The following LRRC7 variants were observed in gnomAD, a reference collection of about 807,000 sequenced individuals.
The protein encoded by LRRC7 is leucine-rich repeat-containing protein 7.
In LRRC7, 23 loss-of-function variants were observed where a neutral mutation model predicts 175.7. The observed-to-expected ratio is 0.13, with a 90% confidence interval of 0.09 to 0.19. LRRC7 has a LOEUF of 0.19. LRRC7 is among the 10% of genes least tolerant of loss of function. The pLI is 1.00. For synonymous variants in LRRC7, 685 were observed against 680.9 expected, an observed-to-expected ratio of 1.01 and a Z score of -0.09; for missense variants, 1,354 against 1,904.7, an observed-to-expected ratio of 0.71 and a Z score of 5.38.
At chr1:69,814,087 A>C (rs907094083) in intron 4 of LRRC7, among the ~76,000 whole-genome samples, 1 of 152,092 alleles carries the variant, frequency 6.6e-6, no homozygotes, top group African/African-American at 2.4e-5. Context: ...TGAGGACCAG[A>C]CAGAAGATTA....
intron 11 of LRRC7, among the ~76,000 whole-genome samples, chr1:70,008,842 C>T (rs1656224423): frequency 6.6e-6 from 1 of 152,118 alleles, no homozygotes; most frequent in African/African-American, 2.4e-5. Flanking sequence ...AGGGCAATGA[C>T]CAATCATTGA....
At chr1:70,109,837 C>G (rs117528184) in intron 26 of LRRC7, among the ~76,000 whole-genome samples, 206 of 152,192 alleles carry the variant, frequency 1.4e-3, no homozygotes, top group African/African-American at 4.2e-3. Context: ...TTTTTCTCCA[C>G]TGAATTTCAA....
intron 11 of LRRC7, among the ~76,000 whole-genome samples, chr1:70,006,423 G>T (rs1243457556): frequency 1.3e-5 from 2 of 148,470 alleles, no homozygotes. Context: ...AGTGAGCCAA[G>T]ATCGCAACAC....
In LRRC7 at chr1:70,133,734, T is replaced by C. The variant is rs1006024035; in HGVS notation, c.*11847T>C. Among the ~76,000 whole-genome samples, 7 of 152,202 alleles carry C rather than the reference T, an allele frequency of 4.6e-5. No homozygotes were observed. The highest frequency in any genetic ancestry group is 1.7e-4 in the African/African-American group (7 of 41,448). ...ACTTTCTCAGTGAGGCTTGATTGTT[T>C]AAAGTTTTGATGTTCCTTAATTGTT... On this transcript the variant is annotated 3_prime_UTR_variant, in exon 27 of 27. Coordinates refer to ENST00000651989, the MANE Select transcript of LRRC7 (RefSeq NM_001370785.2).
At chr1:69,755,019 G>A (rs956734073) in intron 2 of LRRC7, among the ~76,000 whole-genome samples, 2 of 151,830 alleles carry the variant, frequency 1.3e-5, no homozygotes, top group Non-Finnish European at 2.9e-5. Flanking sequence ...GTGACACCTC[G>A]AAAAACTGAA....
At chr1:69,588,504 T>C (rs1039476082) in intron 1 of LRRC7, among the ~76,000 whole-genome samples, 5 of 152,116 alleles carry the variant, frequency 3.3e-5, no homozygotes, top group African/African-American at 1.2e-4. Flanking sequence ...AATAGATAAA[T>C]ATAAAATAAA....
chr1:69,624,885 A>G (rs965189203), intron 1 of LRRC7, among the ~76,000 whole-genome samples: 6 of 152,108 alleles, frequency 3.9e-5, no homozygotes, highest in African/African-American at 1.4e-4. Flanking sequence ...ATTACCATAT[A>G]TCTTTATTAC....
Position 70,002,438 on chromosome 1 carries a change from T to C in LRRC7, c.1004+7805T>C, listed in dbSNP as rs576310789. Among the ~76,000 whole-genome samples, 63 of 152,340 alleles carry C rather than the reference T, an allele frequency of 4.1e-4. 1 individual carries two copies. Among genetic ancestry groups the C allele is most frequent in the Non-Finnish European group, 1.6e-4 (11 of 68,030 alleles). Reference sequence around the variant, plus strand: ...ACAAGTTAAAGAAACACTGCTAACTTATCATTTCTTTTTCCAGATGTAATA... The same window carrying C: ...ACAAGTTAAAGAAACACTGCTAACTCATCATTTCTTTTTCCAGATGTAATA... On this transcript the variant is annotated intron_variant, in intron 11 of 26. Transcript: ENST00000651989.
chr1:70,137,055 G>A lies in LRRC7; in HGVS notation c.*15168G>A, dbSNP rs1284158957. Among the ~76,000 whole-genome samples the A allele has an allele frequency of 1.3e-5, 2 of 152,042 alleles. No homozygotes were observed. The highest frequency in any genetic ancestry group is 2.4e-5 in the African/African-American group (1 of 41,402). ...GCTTTTATAATATGACCCAAGGAAC[G>A]TTTTCTGTTATCTCAGGAAGGAAAG... On this transcript the variant is annotated 3_prime_UTR_variant, in exon 27 of 27. Transcript: ENST00000651989.
intron 7 of LRRC7, chr1:69,873,369 A>T (rs1685744562): frequency 1.4e-5 from 7 of 510,702 alleles, no homozygotes; most frequent in Non-Finnish European, 2.8e-5. Flanking sequence ...TAAACTTTCT[A>T]CCTCCCTGTA....
intron 7 of LRRC7, among the ~76,000 whole-genome samples, chr1:69,907,190 A>G (rs1274362259): frequency 2.0e-5 from 3 of 152,160 alleles, no homozygotes; most frequent in Non-Finnish European, 2.9e-5. Flanking sequence ...TAAATATACA[A>G]TCATGTCATC....
intron 7 of LRRC7, among the ~76,000 whole-genome samples, chr1:69,894,383 C>T (rs903368244): frequency 1.3e-5 from 2 of 152,102 alleles, no homozygotes; most frequent in African/African-American, 4.8e-5. Flanking sequence ...ATAGAGACCA[C>T]CCAAAATGAA....
intron 8 of LRRC7, among the ~76,000 whole-genome samples, chr1:69,979,593 A>G (rs1321093721): frequency 6.6e-6 from 1 of 152,170 alleles, no homozygotes; most frequent in Non-Finnish European, 1.5e-5. Flanking sequence ...GATCTAGATC[A>G]TCAGCTATTT....
intron 7 of LRRC7, chr1:69,873,647 TTGGTGCGCTACC>T: frequency 2.6e-6 from 1 of 385,222 alleles, no homozygotes; most frequent in South Asian, 2.1e-5. Context: ...CCAAACATTT[TTGGTGCGCTACC>T]TGCTGATGGG....
In LRRC7 at chr1:69,884,247, G is replaced by C. The variant is rs569262237; in HGVS notation, c.647+45964G>C. Reference sequence around the variant, plus strand: ...CGATATTGATTCTTCCTACCCATGAGCATGGAATGTTCTTCCATTTGTTTG... The same window carrying C: ...CGATATTGATTCTTCCTACCCATGACCATGGAATGTTCTTCCATTTGTTTG... On this transcript the variant is annotated intron_variant, in intron 7 of 26. Transcript: ENST00000651989. 2.2e-3 allele frequency among the ~76,000 whole-genome samples: 199 copies of C among 89,366 alleles called. 43 individuals carry two copies. The highest frequency in any genetic ancestry group is 9.7e-3 in the South Asian group (28 of 2,880). 58.6% of individuals were successfully genotyped at this position (89,366 alleles called of 152,430 possible). A position where few individuals can be genotyped will look rare whatever the true frequency, so the allele number is the denominator to read the frequency against.
At chr1:69,586,545 C>T (rs1346201280) in intron 1 of LRRC7, among the ~76,000 whole-genome samples, 2 of 152,022 alleles carry the variant, frequency 1.3e-5, no homozygotes, top group Admixed American at 6.6e-5. Context: ...CAGCTGAGGG[C>T]CTCTCTGTTT....
At chr1:69,781,713 AAGAAAGAAAGAAAGAAAGAAAG>A (rs1273885756) in intron 3 of LRRC7, among the ~76,000 whole-genome samples, 1 of 31,054 alleles carries the variant, frequency 3.2e-5, no homozygotes, top group Non-Finnish European at 5.6e-5. Flanking sequence ...GAAAGAAAGA[AAGAAAGAAAGAAAGAAAGAAAG>A]AGAGAGAGAG....
chr1:69,684,770 C>T (rs751550838), intron 2 of LRRC7, among the ~76,000 whole-genome samples: 3 of 152,174 alleles, frequency 2.0e-5, no homozygotes, highest in Admixed American at 6.5e-5. Context: ...AAAGCCTACT[C>T]GCTCAGTCCA....
At chr1:69,972,818 C>T (rs369203841) in intron 8 of LRRC7, among the ~76,000 whole-genome samples, 3 of 151,568 alleles carry the variant, frequency 2.0e-5, no homozygotes, top group East Asian at 3.9e-4. Context: ...TACTTGCACA[C>T]GCATGTTTAT....
Sources: allele counts gnomAD v4.1 joint callset (sites outside exome capture counted in the v4.1 genomes callset), GRCh38; gene constraint gnomAD v4.1.1; transcripts MANE v1.5; gene names NCBI Gene and HGNC (gene_info 2026-07-23, HGNC 2026-07-21).